The following INTS8 variants were observed in gnomAD, a reference collection of about 807,000 sequenced individuals.
INTS8 encodes the protein integrator complex subunit 8.
A neutral mutation model predicts 138.9 loss-of-function variants in INTS8; 47 were observed. The observed-to-expected ratio is 0.34, with a 90% CI of 0.27 to 0.43. The LOEUF is 0.43. INTS8 is among the 20% of genes least tolerant of loss of function. The probability of loss-of-function intolerance (pLI) is 1.00; values close to 1 mark genes in which losing one functional copy is unlikely to be tolerated. For synonymous variants in INTS8, 392 were observed against 400.9 expected (o/e 0.98, Z 0.27); for missense variants, 996 against 1,173.0 (o/e 0.85, Z 2.20).
At chr8:94,871,425 C>T (rs1465716005) in intron 20 of INTS8, among the ~76,000 whole-genome samples, 2 of 151,898 alleles carry the variant, frequency 1.3e-5, no homozygotes, top group East Asian at 3.9e-4. Context: ...TTGCAGTGAG[C>T]TGAGATCGTG....
intron 20 of INTS8, among the ~76,000 whole-genome samples, chr8:94,869,822 T>C (rs1394481254): frequency 2.6e-5 from 4 of 152,064 alleles, no homozygotes; most frequent in Admixed American, 6.6e-5. Context: ...TCTGTAGTAT[T>C]ACCTCTGTGG....
intron 10 of INTS8, among the ~76,000 whole-genome samples, chr8:94,846,461 A>T (rs1231485663): frequency 2.6e-5 from 4 of 152,044 alleles, no homozygotes; most frequent in Non-Finnish European, 5.9e-5. Flanking sequence ...TTTCGTAGAG[A>T]TGGGGTTTCT....
intron 18 of INTS8, 48 bp from the exon 19 acceptor site, chr8:94,867,092 A>G (rs762147631): frequency 5.8e-6 from 8 of 1,382,036 alleles, no homozygotes; most frequent in Middle Eastern, 2.0e-4. Flanking sequence ...GCAATATTAA[A>G]TAAATATACA....
chr8:94,859,571 A>C lies in INTS8; in HGVS notation c.2015A>C (p.Glu672Ala). 1 of 1,612,084 alleles carries C rather than the reference A, an allele frequency of 6.2e-7. No individual in the cohort carries two copies. The highest frequency in any genetic ancestry group is 8.5e-7 in the Non-Finnish European group (1 of 1,178,264). The change falls in exon 16 of 27, where the codon GAA becomes GCA. Residue 672 changes from glutamate (E) to alanine (A), a missense_variant. Physicochemically the swap from Glu to Ala is moderately radical, Grantham distance 107. Coordinates refer to ENST00000523731, the MANE Select transcript of INTS8 (RefSeq NM_017864.4). ...GTTGCCTTTATGTTAAACTGGAGAG[A>C]AAATGAATACCTTACACTCCAAGTT... The part of the protein sequence containing the change: ...ECVAFMLNWR[E>A]NEYLTLQVPA...
chr8:94,877,203 A>G (rs774025714), intron 26 of INTS8, among the ~76,000 whole-genome samples: 16 of 152,200 alleles, frequency 1.1e-4, no homozygotes, highest in Non-Finnish European at 8.8e-5. Context: ...GTATGGGCCA[A>G]AACATTTTAA....
chr8:94,848,857 GCTT>G (rs1213714453), intron 10 of INTS8, among the ~76,000 whole-genome samples: 3 of 151,720 alleles, frequency 2.0e-5, no homozygotes, highest in Admixed American at 6.6e-5. Context: ...TTTTATTTTG[GCTT>G]CTTATAAATA....
intron 13 of INTS8, among the ~76,000 whole-genome samples, chr8:94,853,305 C>G (rs1815620080): frequency 6.6e-6 from 1 of 152,070 alleles, no homozygotes; most frequent in Non-Finnish European, 1.5e-5. Context: ...GAGCGAGACT[C>G]TATCTCAAAA....
In INTS8 at chr8:94,880,680, C is replaced by G. The variant is rs1816773849; in HGVS notation, c.*446C>G. 1 of 393,668 alleles carries G rather than the reference C, an allele frequency of 2.5e-6. No individual in the cohort carries two copies. Among genetic ancestry groups the G allele is most frequent in the African/African-American group, 2.1e-5 (1 of 48,430 alleles). The allele number at this position is 393,668 out of a possible 1,614,324, so 24.4% of individuals were successfully genotyped here. ...CAAGTGTTAAGCTTTATCACTTTGA[C>G]ACTGTCCTTATCTCACAATGGAGGA... is the stretch of plus-strand genomic sequence containing the variant. On this transcript the variant is annotated 3_prime_UTR_variant, in exon 27 of 27. Coordinates refer to ENST00000523731, the MANE Select transcript of INTS8 (RefSeq NM_017864.4).
chr8:94,830,911 CCT>C (rs1282499270), intron 5 of INTS8, among the ~76,000 whole-genome samples: 1 of 151,978 alleles, frequency 6.6e-6, no homozygotes, highest in Non-Finnish European at 1.5e-5. Flanking sequence ...GATTCTTCTG[CCT>C]CAGTCTCCCA....
Position 94,825,047 on chromosome 8 carries a change from C to A in INTS8, c.285C>A (p.Asp95Glu). The change falls in exon 2 of 27, where the codon GAC becomes GAA. Residue 95 changes from aspartate (D) to glutamate (E), a missense_variant. By Grantham distance (45) the Asp-to-Glu change is conservative. Transcript: ENST00000523731. ...AAGTTGCTGCACATTTGAAGTGGGA[C>A]TTAGACATATTAGAGAAAAGGTATC... ...ALKVAAHLKW[D>E]LDILEKSLSV... is the part of the protein sequence containing the mutation. The A allele has an allele frequency of 1.2e-6, 2 of 1,606,790 alleles. No individual in the cohort carries two copies. The highest frequency in any genetic ancestry group is 1.7e-6 in the Non-Finnish European group (2 of 1,175,004).
chr8:94,832,221 CT>C (rs749385633), intron 6 of INTS8, 47 bp downstream of exon 6: 1 of 1,403,346 alleles, frequency 7.1e-7, no homozygotes, highest in Non-Finnish European at 9.9e-7. Flanking sequence ...TTTGGAAAAT[CT>C]TAATATGAGA....
chr8:94,872,248 G>A (rs1311943759), intron 21 of INTS8, among the ~76,000 whole-genome samples: 1 of 151,438 alleles, frequency 6.6e-6, no homozygotes, highest in Non-Finnish European at 1.5e-5. Context: ...TTTTTTGTGT[G>A]TGTGTGATGG....
chr8:94,844,684 T>C (rs1815264656), intron 10 of INTS8, among the ~76,000 whole-genome samples: 1 of 152,106 alleles, frequency 6.6e-6, no homozygotes, highest in Non-Finnish European at 1.5e-5. Context: ...AGGAGATCTA[T>C]ATATATTCTC....
At position 94,880,757 on chromosome 8, in the gene INTS8, A is replaced by G. The variant is rs1471889621; in HGVS notation, c.*523A>G. The G allele has an allele frequency of 2.5e-6, 1 of 397,580 alleles. No individual in the cohort carries two copies. The highest frequency in any genetic ancestry group is 4.4e-5 in the Admixed American group (1 of 22,702). 24.6% of individuals were successfully genotyped at this position (397,580 alleles called of 1,614,324 possible). A position where few individuals can be genotyped will look rare whatever the true frequency, so the allele number is the denominator to read the frequency against. On this transcript the variant is annotated 3_prime_UTR_variant, in exon 27 of 27. Coordinates refer to ENST00000523731, the MANE Select transcript of INTS8 (RefSeq NM_017864.4). ...CAAACATAAATAAAGCCTTAGTCACACTAAATTAAAAAAAAAAATTCCTTA... is the reference window on the plus strand; with the variant it reads ...CAAACATAAATAAAGCCTTAGTCACGCTAAATTAAAAAAAAAAATTCCTTA...
intron 7 of INTS8, 32 bp downstream of exon 7, chr8:94,836,663 C>T (rs1180462820): frequency 7.6e-7 from 1 of 1,324,114 alleles, no homozygotes; most frequent in African/African-American, 1.5e-5. Flanking sequence ...ACTTAATGTT[C>T]AGTTCTTTAA....
chr8:94,869,591 C>T (rs1563669572), intron 20 of INTS8, among the ~76,000 whole-genome samples: 1 of 152,106 alleles, frequency 6.6e-6, no homozygotes, highest in Non-Finnish European at 1.5e-5. Context: ...CTCCCGGGTT[C>T]AAGCAATTCT....
intron 22 of INTS8, among the ~76,000 whole-genome samples, chr8:94,873,982 T>C (rs1298761945): frequency 6.6e-6 from 1 of 152,182 alleles, no homozygotes; most frequent in Non-Finnish European, 1.5e-5. Flanking sequence ...TACAGAATAA[T>C]GTTTTAATAT....
chr8:94,844,841 C>T (rs1180644564), intron 10 of INTS8, among the ~76,000 whole-genome samples: 1 of 151,632 alleles, frequency 6.6e-6, no homozygotes, highest in Non-Finnish European at 1.5e-5. Context: ...TAACCTCCAC[C>T]TCCTGGGTTC....
intron 21 of INTS8, among the ~76,000 whole-genome samples, 182 bp downstream of exon 21, chr8:94,872,184 T>C (rs1245146269): frequency 6.6e-6 from 1 of 152,200 alleles, no homozygotes; most frequent in Admixed American, 6.5e-5. Context: ...GTTCAGATGC[T>C]TTTAACTTTA....
Sources: allele counts gnomAD v4.1 joint callset (sites outside exome capture counted in the v4.1 genomes callset), GRCh38; gene constraint gnomAD v4.1.1; transcripts MANE v1.5; gene names NCBI Gene and HGNC (gene_info 2026-07-23, HGNC 2026-07-21).